Variants in TBCD observed in about 807,000 individuals in gnomAD.
TBCD encodes tubulin-specific chaperone D.
In TBCD, 105 loss-of-function variants were observed where a neutral mutation model predicts 169.3. The observed-to-expected ratio is 0.62, with a 90% CI of 0.53 to 0.73. The LOEUF (loss-of-function observed/expected upper bound fraction) is 0.73. TBCD is among the 30% of genes least tolerant of loss of function. TBCD has a pLI of 0.00. For synonymous variants in TBCD, 700 were observed against 643.9 expected (o/e 1.09, Z -1.32); for missense variants, 1,444 against 1,600.1 (o/e 0.90, Z 1.66).
At chr17:82,793,212 C>T (rs571480472) in intron 7 of TBCD, among the ~76,000 whole-genome samples, 61 of 152,292 alleles carry the variant, frequency 4.0e-4, no homozygotes, top group East Asian at 1.9e-4. Flanking sequence ...TTTTCACTTC[C>T]GTCAATGGCT....
intron 29 of TBCD, 123 bp downstream of exon 29, chr17:82,927,446 T>G (rs1193866146): frequency 4.4e-6 from 6 of 1,356,276 alleles, no homozygotes; most frequent in Non-Finnish European, 5.9e-6. Context: ...TTTTGCGTTT[T>G]AAAGGCTCTG....
At chr17:82,926,318 T>C in intron 27 of TBCD, 82 bp from the exon 28 acceptor site, 1 of 1,346,842 alleles carries the variant, frequency 7.4e-7, no homozygotes, top group East Asian at 2.4e-5. Flanking sequence ...GGTCTGTGGC[T>C]CCGGGCCAAC....
At chr17:82,887,178 C>T (rs534586298) in intron 15 of TBCD, among the ~76,000 whole-genome samples, 13,323 of 81,092 alleles carry the variant, frequency 0.16, 745 homozygotes, top group African/African-American at 0.32. Flanking sequence ...TGCGCGCGCG[C>T]GCACGTGCGC....
Position 82,920,549 on chromosome 17 carries a change from T to TC in TBCD, c.2039-7_2039-6insC. The TC allele has an allele frequency of 6.5e-7, 1 of 1,536,050 alleles. No homozygotes were observed. The highest frequency in any genetic ancestry group is 1.4e-5 in the African/African-American group (1 of 71,824). On this transcript the variant is annotated splice_polypyrimidine_tract_variant and splice_region_variant and intron_variant, in intron 23 of 38. Transcript: ENST00000355528. This position sits in a 1 kb window ranked among gnomAD's most constrained non-coding sequence, Gnocchi z 4.1. ...ATTGCGTCTATCCTTTTTTTTTTTT[T>TC]TTCCAGTGTGTGTTTTAATAGAAAA...
At chr17:82,913,173 G>A (rs1356811189) in intron 23 of TBCD, 1 of 152,354 alleles carries the variant, frequency 6.6e-6, no homozygotes, top group Non-Finnish European at 1.5e-5. Flanking sequence ...GGATCTAGGA[G>A]TTTGGCTTGG....
At chr17:82,866,986 G>C (rs2057217729) in intron 13 of TBCD, among the ~76,000 whole-genome samples, 1 of 152,250 alleles carries the variant, frequency 6.6e-6, no homozygotes, top group African/African-American at 2.4e-5. Context: ...GTGTGTGTTG[G>C]CCCAGATGCC....
intron 36 of TBCD, 78 bp downstream of exon 36, chr17:82,938,214 CTGTTG>C (rs1411519086): frequency 1.0e-5 from 15 of 1,464,400 alleles, no homozygotes; most frequent in Non-Finnish European, 1.3e-5. Context: ...TTCGCTGGCA[CTGTTG>C]TGTTGGTGTG....
chr17:82,836,567 T>G (rs1293939278), intron 13 of TBCD, among the ~76,000 whole-genome samples: 1 of 151,964 alleles, frequency 6.6e-6, no homozygotes, highest in Non-Finnish European at 1.5e-5. Flanking sequence ...TTCACATTGC[T>G]GATACCTCTA....
At chr17:82,868,980 C>T (rs2057374143) in intron 13 of TBCD, among the ~76,000 whole-genome samples, 1 of 151,626 alleles carries the variant, frequency 6.6e-6, no homozygotes, top group African/African-American at 2.4e-5. Flanking sequence ...CCGAACGAGA[C>T]CCTGGCGTGT....
At chr17:82,838,512 G>C (rs1040481325) in intron 13 of TBCD, 37 of 397,382 alleles carry the variant, frequency 9.3e-5, no homozygotes, top group African/African-American at 7.6e-4. Flanking sequence ...TGCTCGGCTG[G>C]AGCATTGTGA....
At chr17:82,768,660 AT>A in intron 5 of TBCD, 94 bp downstream of exon 5, 2 of 1,406,336 alleles carry the variant, frequency 1.4e-6, no homozygotes, top group Non-Finnish European at 1.9e-6. Flanking sequence ...AGCTTCTGAT[AT>A]GTATTCAACT....
At chr17:82,877,030 C>T (rs746056213) in intron 14 of TBCD, 6 of 937,888 alleles carry the variant, frequency 6.4e-6, no homozygotes, top group Non-Finnish European at 7.6e-6. Flanking sequence ...TCCATTCTTT[C>T]TTCATTAATC....
intron 21 of TBCD, among the ~76,000 whole-genome samples, chr17:82,908,740 G>A (rs2060418535): frequency 6.6e-6 from 1 of 152,194 alleles, no homozygotes; most frequent in African/African-American, 2.4e-5. Flanking sequence ...CCCCACTGAC[G>A]CTGAGCCATG....
chr17:82,937,903 A>T (rs1210694467), intron 35 of TBCD, 146 bp from the exon 36 acceptor site: 5 of 1,530,760 alleles, frequency 3.3e-6, no homozygotes, highest in Non-Finnish European at 4.4e-6. Context: ...ACGCACACAC[A>T]CACCTCCGGC....
At chr17:82,919,345 GA>G (rs1283010975) in intron 23 of TBCD, among the ~76,000 whole-genome samples, 1 of 152,126 alleles carries the variant, frequency 6.6e-6, no homozygotes, top group Non-Finnish European at 1.5e-5. Flanking sequence ...CCACAAGGTA[GA>G]AACAAAAGGA....
chr17:82,820,103 C>T (rs998275231), intron 13 of TBCD, among the ~76,000 whole-genome samples: 5 of 152,096 alleles, frequency 3.3e-5, no homozygotes, highest in East Asian at 3.9e-4. Context: ...CTCAGCCTCC[C>T]GAGTAGCTGG....
At position 82,805,989 on chromosome 17, in the gene TBCD, A is replaced by G; in HGVS notation, c.1065A>G (p.Pro355=). The G allele has an allele frequency of 1.2e-6, 2 of 1,613,802 alleles. No homozygotes were observed. Among genetic ancestry groups the G allele is most frequent in the Non-Finnish European group, 1.7e-6 (2 of 1,179,752 alleles). Residue 355 remains proline (P), a synonymous_variant, in exon 10 of 39, where the codon CCA becomes CCG. Coordinates refer to ENST00000355528, the MANE Select transcript of TBCD (RefSeq NM_005993.5). ...TEDDDEDDDV[P]EGVERVIEQL... ...ATGACGACGAAGATGACGACGTCCC[A>G]GAGGGGGTGGAGCGTGTGATAGGTG...
Position 82,889,596 on chromosome 17 carries a change from G to A in TBCD, c.1534-72G>A. The A allele has an allele frequency of 6.3e-7, 1 of 1,591,144 alleles. No homozygotes were observed. Among genetic ancestry groups the A allele is most frequent in the Non-Finnish European group, 8.6e-7 (1 of 1,160,342 alleles). Reference sequence around the variant, plus strand: ...GTGGGTCATTCACGTTGTGCTGTTTGTTCTGAACTTGCCTCTGGTGTTGGC... The same window carrying A: ...GTGGGTCATTCACGTTGTGCTGTTTATTCTGAACTTGCCTCTGGTGTTGGC... On this transcript the variant is annotated intron_variant, in intron 15 of 38. Transcript: ENST00000355528. The surrounding 1 kb of genome is among the most constrained non-coding windows in gnomAD (Gnocchi z 5.3).
intron 13 of TBCD, among the ~76,000 whole-genome samples, chr17:82,827,112 C>CATTCAAGTCTT (rs1248855261): frequency 3.1e-4 from 47 of 152,338 alleles, no homozygotes; most frequent in African/African-American, 1.1e-3. Flanking sequence ...AAGTCTTATT[C>CATTCAAGTCTT]ATTCAAGTCT....
Sources: gnomAD v4.1 joint callset for allele counts (sites outside exome capture counted in the v4.1 genomes callset) on GRCh38, gnomAD v4.1.1 for gene constraint, Gnocchi (gnomAD v3.1) non-coding constraint, MANE v1.5 for transcripts, NCBI Gene and HGNC (gene_info 2026-07-23, HGNC 2026-07-21) for gene names.